The following UBE3B variants were observed in gnomAD, a reference collection of about 807,000 sequenced individuals.
UBE3B encodes the protein ubiquitin-protein ligase E3B.
A neutral mutation model predicts 132.3 loss-of-function variants in UBE3B; 80 were observed. That is an observed-to-expected ratio of 0.60 (90% CI 0.50 to 0.73). The LOEUF (loss-of-function observed/expected upper bound fraction) is 0.73. UBE3B is among the 30% of genes least tolerant of loss of function. UBE3B has a pLI of 0.00. For synonymous variants in UBE3B, 487 were observed against 520.4 expected, an observed-to-expected ratio of 0.94 and a Z score of 0.87; for missense variants, 1,196 against 1,362.5, an observed-to-expected ratio of 0.88 and a Z score of 1.92.
intron 26 of UBE3B, 133 bp downstream of exon 26, chr12:109,530,791 A>C: frequency 1.2e-6 from 1 of 860,330 alleles, no homozygotes; most frequent in South Asian, 1.6e-5. Context: ...CCTCTCCCAC[A>C]GGCAGGCCTC....
chr12:109,543,254 T>C, the UBE3B span, among the ~76,000 whole-genome samples: 1 of 152,170 alleles, frequency 6.6e-6, no homozygotes, highest in Non-Finnish European at 1.5e-5. Context: ...GTCTCCACAG[T>C]GTAGAGTGAC....
chr12:109,515,722 A>G (rs1264043019), intron 18 of UBE3B, among the ~76,000 whole-genome samples: 1 of 152,216 alleles, frequency 6.6e-6, no homozygotes, highest in African/African-American at 2.4e-5. Context: ...GGAGATTCCC[A>G]TTTTTAAAAA....
chr12:109,508,367 C>A, intron 15 of UBE3B: 1 of 252,316 alleles, frequency 4.0e-6, no homozygotes, highest in Non-Finnish European at 6.3e-6. Flanking sequence ...AGAATATTAC[C>A]AGTTCAATAG....
rs377343817 is a variant in UBE3B, at chr12:109,526,419, G to A, written c.2627+3G>A. ...ATTCCTGTTACAAATGAAAATAAGT[G>A]AGTATAGCAATTAGGTTTTTAAGGT... is the stretch of plus-strand genomic sequence containing the variant. On this transcript the variant is annotated splice_donor_region_variant and intron_variant, in intron 24 of 27. Coordinates refer to ENST00000342494, the MANE Select transcript of UBE3B (RefSeq NM_130466.4). 6.2e-7 allele frequency: 1 copy of A among 1,614,084 alleles called. No homozygotes were observed. Among genetic ancestry groups the A allele is most frequent in the Admixed American group, 1.7e-5 (1 of 60,022 alleles).
At chr12:109,507,871 GC>G in intron 15 of UBE3B, 136 bp downstream of exon 15, 3 of 1,052,100 alleles carry the variant, frequency 2.9e-6, no homozygotes, top group Non-Finnish European at 4.1e-6. Context: ...GTAAGAACTA[GC>G]CATTTACCAA....
chr12:109,532,995 C>G (rs960558857), intron 26 of UBE3B, among the ~76,000 whole-genome samples: 1 of 152,230 alleles, frequency 6.6e-6, no homozygotes, highest in Non-Finnish European at 1.5e-5. Context: ...GCGGGTCTCC[C>G]GGGCTCCCTC....
At chr12:109,543,050 T>C in the UBE3B span, among the ~76,000 whole-genome samples, 2 of 152,204 alleles carry the variant, frequency 1.3e-5, no homozygotes, top group East Asian at 1.9e-4. Flanking sequence ...CCAGGCTAGA[T>C]ACCATGTGGC....
chr12:109,516,868 G>A lies in UBE3B; in HGVS notation c.2060G>A (p.Arg687Gln), dbSNP rs374744734. 3.1e-6 allele frequency: 5 copies of A among 1,613,762 alleles called. No homozygotes were observed. Among genetic ancestry groups the A allele is most frequent in the Middle Eastern group, 1.6e-4 (1 of 6,082 alleles). ...CATGTCACTCACATCACCATCCGCC[G>A]GTCCAGGATGCTGGAGGTGAGTGTG... ...SPHVTHITIR[R>Q]SRMLEDGYEQ... Residue 687 changes from arginine (R) to glutamine (Q), a missense_variant, in exon 19 of 28, where the codon CGG becomes CAG. Transcript: ENST00000342494.
intron 19 of UBE3B, chr12:109,518,006 T>C (rs773075131): frequency 2.9e-5 from 12 of 415,364 alleles, no homozygotes; most frequent in Non-Finnish European, 1.0e-5. Context: ...TTTCTGACAT[T>C]CTTCAAGGTA....
rs1266899670 is a variant in UBE3B at position 109,509,714 on chromosome 12, G to A, written c.1741G>A (p.Glu581Lys). Reference protein sequence around the residue: ...VFKMIWDGIVENAKGETLELF... With the variant: ...VFKMIWDGIVKNAKGETLELF... ...TAAGATGATCTGGGATGGAATTGTA[G>A]GTAAGAGAAAAGGTGTCTGCTGTTG... The change falls in exon 16 of 28, where the codon GAG becomes AAG. Residue 581 changes from glutamate to lysine, a missense_variant and splice_region_variant. Physicochemically the swap from Glu to Lys is moderately conservative, Grantham distance 56 (BLOSUM62 1). Transcript: ENST00000342494. 1 of 1,596,546 alleles carries A rather than the reference G, an allele frequency of 6.3e-7. No individual in the cohort carries two copies. Among genetic ancestry groups the A allele is most frequent in the Non-Finnish European group, 8.5e-7 (1 of 1,172,356 alleles).
intron 19 of UBE3B, among the ~76,000 whole-genome samples, chr12:109,519,255 C>T (rs1385681189): frequency 2.0e-5 from 3 of 152,204 alleles, no homozygotes; most frequent in Non-Finnish European, 4.4e-5. Flanking sequence ...CCTTTTCTAG[C>T]TCAGTATTCC....
chr12:109,485,213 C>T (rs1202182482), intron 4 of UBE3B, among the ~76,000 whole-genome samples: 1 of 152,240 alleles, frequency 6.6e-6, no homozygotes, highest in African/African-American at 2.4e-5. Flanking sequence ...AACAATGCCA[C>T]TGAGGCATGT....
At position 109,517,847 on chromosome 12, in the gene UBE3B, G is replaced by C. The variant is rs1202397898; in HGVS notation, c.2076+963G>C. 14 of 382,518 alleles carry C rather than the reference G, an allele frequency of 3.7e-5. No homozygotes were observed. In the Admixed American group the frequency reaches 3.9e-4, roughly 11 times the overall value. 23.7% of individuals were successfully genotyped at this position (382,518 alleles called of 1,614,324 possible). A position where few individuals can be genotyped will look rare whatever the true frequency, so the allele number is the denominator to read the frequency against. On this transcript the variant is annotated intron_variant, in intron 19 of 27. Transcript: ENST00000342494. ...CAGCAGATGGCTTCTGGCAGCAGCT[G>C]TTCCTCCTCACGTGTCTTCATTTTC...
chr12:109,487,645 CTA>C (rs1479003300), intron 6 of UBE3B, among the ~76,000 whole-genome samples: 4 of 152,224 alleles, frequency 2.6e-5, no homozygotes, highest in Non-Finnish European at 2.9e-5. Flanking sequence ...TATCTGCTCT[CTA>C]TGTGTACATT....
chr12:109,517,997 T>G lies in UBE3B; in HGVS notation c.2076+1113T>G, dbSNP rs1353355814. The G allele has an allele frequency of 2.1e-5, 9 of 419,454 alleles. No homozygotes were observed. In the East Asian group the frequency reaches 6.7e-4, roughly 31 times the overall value. The allele number at this position is 419,454 out of a possible 1,614,324, so 26.0% of individuals were successfully genotyped here. ...GCAGTGTGTGCTGAACAGTGGATGTTTCTGACATTCTTCAAGGTAGGCATA... is the reference window on the plus strand; with the variant it reads ...GCAGTGTGTGCTGAACAGTGGATGTGTCTGACATTCTTCAAGGTAGGCATA... On this transcript the variant is annotated intron_variant, in intron 19 of 27. Transcript: ENST00000342494.
intron 16 of UBE3B, 146 bp downstream of exon 16, chr12:109,509,860 T>G (rs1566096291): frequency 1.7e-6 from 1 of 585,736 alleles, no homozygotes; most frequent in Non-Finnish European, 3.0e-6. Flanking sequence ...AAATTTTCTT[T>G]CTTCACTCTC....
chr12:109,547,383 C>T, the UBE3B span, among the ~76,000 whole-genome samples: 3 of 152,216 alleles, frequency 2.0e-5, no homozygotes, highest in Non-Finnish European at 1.5e-5. The surrounding 1 kb of genome is among the most constrained non-coding windows in gnomAD (Gnocchi z 4.1). Flanking sequence ...CATGCAGTGC[C>T]GGCCATGCAG....
intron 8 of UBE3B, chr12:109,490,312 T>C: frequency 7.6e-7 from 1 of 1,321,144 alleles, no homozygotes; most frequent in East Asian, 2.5e-5. Context: ...CCTTCTTGGT[T>C]GATGTCTAGA....
intron 18 of UBE3B, 59 bp from the exon 19 acceptor site, chr12:109,516,706 T>G: frequency 6.3e-7 from 1 of 1,590,832 alleles, no homozygotes. Context: ...TGCAGAGTGT[T>G]TTTATGGAAT....
Sources: gnomAD v4.1 joint callset for allele counts (sites outside exome capture counted in the v4.1 genomes callset) on GRCh38, gnomAD v4.1.1 for gene constraint, Gnocchi (gnomAD v3.1) non-coding constraint, MANE v1.5 for transcripts, NCBI Gene and HGNC (gene_info 2026-07-23, HGNC 2026-07-21) for gene names.